Variants in ULK2 observed in about 807,000 individuals in gnomAD.
ULK2 encodes serine/threonine-protein kinase ULK2.
ULK2 carries 76 observed loss-of-function variants against 127.5 expected under a neutral mutation model. That is an observed-to-expected ratio of 0.60 (90% CI 0.50 to 0.72). ULK2 has a LOEUF of 0.72. Among genes scored for constraint, ULK2 ranks in the 30% least tolerant of loss-of-function variants. ULK2 has a pLI of 0.00. For missense variants in ULK2, 1,144 were observed against 1,295.9 expected (o/e 0.88, Z 1.80); for synonymous variants, 452 against 461.9 (o/e 0.98, Z 0.28).
rs2041894836 is a variant in ULK2, at chr17:19,846,803, G to A, written c.403C>T (p.Gln135Ter). ...TTGGCATAGGACAGCAAGATGTTCTGTGGTTTGAGATCTCTGTGGATGATT... is the reference window on the plus strand; with the variant it reads ...TTGGCATAGGACAGCAAGATGTTCTATGGTTTGAGATCTCTGTGGATGATT... ...KGIIHRDLKP[Q>*]NILLSYANRR... Residue 135 changes from glutamine (Q) to a stop codon, truncating the protein, a stop_gained, in exon 6 of 27, where the codon CAG (glutamine) becomes TAG (stop). Coordinates refer to ENST00000395544, the MANE Select transcript of ULK2 (RefSeq NM_014683.4). LOFTEE classifies it high-confidence loss of function. The A allele has an allele frequency of 1.9e-6, 3 of 1,613,780 alleles. No homozygotes were observed. The highest frequency in any genetic ancestry group is 2.5e-6 in the Non-Finnish European group (3 of 1,179,942).
intron 12 of ULK2, among the ~76,000 whole-genome samples, chr17:19,823,802 A>C (rs1480401344): frequency 6.6e-6 from 1 of 152,186 alleles, no homozygotes; most frequent in African/African-American, 2.4e-5. Context: ...ACATAACATA[A>C]GTCTTATTAA....
chr17:19,816,720 C>T (rs2040998220), intron 13 of ULK2, 29 bp downstream of exon 13: 1 of 1,501,186 alleles, frequency 6.7e-7, no homozygotes, highest in Non-Finnish European at 8.8e-7. Context: ...TTAAGAAATA[C>T]AATGTGTACA....
At chr17:19,839,024 C>G (rs1406776422) in intron 9 of ULK2, among the ~76,000 whole-genome samples, 2 of 150,246 alleles carry the variant, frequency 1.3e-5, no homozygotes, top group African/African-American at 4.9e-5. Flanking sequence ...GAGCAAGACT[C>G]CATCTGAAAA....
intron 3 of ULK2, among the ~76,000 whole-genome samples, chr17:19,856,934 A>G (rs1193262524): frequency 1.6e-5 from 2 of 128,936 alleles, no homozygotes; most frequent in Non-Finnish European, 3.1e-5. Flanking sequence ...CCGAGATCGC[A>G]CCACGGCACT....
chr17:19,845,505 ACTGTCCACC>A (rs1354152008), intron 6 of ULK2, 128 bp from the exon 7 acceptor site: 2 of 643,614 alleles, frequency 3.1e-6, no homozygotes, highest in Admixed American at 5.7e-5. Flanking sequence ...ATTGAATTAG[ACTGTCCACC>A]AAAAAAAAAG....
chr17:19,777,393 C>A (rs1032004075), intron 26 of ULK2, among the ~76,000 whole-genome samples, 188 bp downstream of exon 26: 1 of 152,236 alleles, frequency 6.6e-6, no homozygotes, highest in African/African-American at 2.4e-5. Flanking sequence ...GCGTGAGACA[C>A]TGTGCCTGGC....
intron 15 of ULK2, among the ~76,000 whole-genome samples, chr17:19,804,056 C>G (rs1181259663): frequency 6.6e-6 from 1 of 152,050 alleles, no homozygotes; most frequent in East Asian, 1.9e-4. Flanking sequence ...CAGAAATTTA[C>G]TGAACTCTCT....
In ULK2 at chr17:19,843,660, CT is replaced by C. The variant is rs1186486092; in HGVS notation, c.544-439del. On this transcript the variant is annotated intron_variant, in intron 7 of 26. Coordinates refer to ENST00000395544, the MANE Select transcript of ULK2 (RefSeq NM_014683.4). ...TTGGGCTGTCTCCAAAATATTTTTT[CT>C]TTTTTTTTTTTTTTTGAGAATGAGT... 9.1e-3 allele frequency among the ~76,000 whole-genome samples: 1,227 copies of C among 135,242 alleles called. 14 individuals carry two copies. Among genetic ancestry groups the C allele is most frequent in the African/African-American group, 0.027 (1,013 of 37,028 alleles). 88.7% of individuals were successfully genotyped at this position (135,242 alleles called of 152,430 possible). A position where few individuals can be genotyped will look rare whatever the true frequency, so the allele number is the denominator to read the frequency against.
At chr17:19,861,740 G>A (rs2042247452) in intron 3 of ULK2, among the ~76,000 whole-genome samples, 1 of 152,214 alleles carries the variant, frequency 6.6e-6, no homozygotes, top group South Asian at 2.1e-4. Context: ...ACAAACAGCA[G>A]TGAGGAGAAC....
rs775668045 is a variant in ULK2 at position 19,846,719 on chromosome 17, C to T, written c.469+18G>A. 1.3e-6 allele frequency: 2 copies of T among 1,565,032 alleles called. No individual in the cohort carries two copies. Among genetic ancestry groups the T allele is most frequent in the African/African-American group, 1.4e-5 (1 of 72,738 alleles). On this transcript the variant is annotated intron_variant, in intron 6 of 26. Coordinates refer to ENST00000395544, the MANE Select transcript of ULK2 (RefSeq NM_014683.4). ...TTCAAAAAATGTCCTTTCCATGACA[C>T]AATACATGGCCATTTACCTATTTTG...
chr17:19,780,708 G>C (rs1567671632), intron 24 of ULK2, 79 bp from the exon 25 acceptor site: 9 of 1,405,666 alleles, frequency 6.4e-6, no homozygotes, highest in Non-Finnish European at 8.6e-6. Context: ...CTTTCCTGCT[G>C]ATATATAGGG....
chr17:19,861,101 T>C (rs886446269), intron 3 of ULK2: 3 of 152,208 alleles, frequency 2.0e-5, no homozygotes, highest in African/African-American at 7.2e-5. Flanking sequence ...TCTAACAGTA[T>C]ACCATGTACA....
chr17:19,838,974 T>C (rs1178515743), intron 9 of ULK2, among the ~76,000 whole-genome samples: 1 of 148,238 alleles, frequency 6.7e-6, no homozygotes, highest in African/African-American at 2.5e-5. Context: ...GAGCTTGCAG[T>C]GAGCCGAGAT....
At chr17:19,829,671 A>G (rs1343669670) in intron 10 of ULK2, among the ~76,000 whole-genome samples, 1 of 150,334 alleles carries the variant, frequency 6.7e-6, no homozygotes, top group Non-Finnish European at 1.5e-5. Flanking sequence ...TCCTGTCTCT[A>G]CTAAAAATAT....
intron 14 of ULK2, among the ~76,000 whole-genome samples, chr17:19,805,387 A>C (rs933149076): frequency 6.6e-6 from 1 of 152,224 alleles, no homozygotes; most frequent in African/African-American, 2.4e-5. Context: ...CACTTTTCAT[A>C]AATTCAGAAA....
At chr17:19,832,936 A>G (rs2041496112) in intron 10 of ULK2, among the ~76,000 whole-genome samples, 1 of 151,732 alleles carries the variant, frequency 6.6e-6, no homozygotes, top group Non-Finnish European at 1.5e-5. Flanking sequence ...TAGCCTGGCC[A>G]ACGTGGTGAA....
At chr17:19,814,619 C>T (rs1014163130) in intron 13 of ULK2, among the ~76,000 whole-genome samples, 30 of 151,298 alleles carry the variant, frequency 2.0e-4, no homozygotes, top group African/African-American at 6.8e-4. Flanking sequence ...GCCATGATGC[C>T]CTGGCTGGTC....
At chr17:19,816,681 G>A (rs1398175476) in intron 13 of ULK2, 68 bp downstream of exon 13, 1 of 1,396,388 alleles carries the variant, frequency 7.2e-7, no homozygotes, top group Non-Finnish European at 9.4e-7. Context: ...GTAATATATG[G>A]GTTAAAAAAA....
At chr17:19,809,729 T>A (rs1423693543) in intron 14 of ULK2, among the ~76,000 whole-genome samples, 1 of 47,298 alleles carries the variant, frequency 2.1e-5, no homozygotes, top group South Asian at 6.5e-4. Context: ...CGAGACTCCG[T>A]CTCAAAAAAA....
Sources: allele counts gnomAD v4.1 joint callset (sites outside exome capture counted in the v4.1 genomes callset), GRCh38; gene constraint gnomAD v4.1.1; transcripts MANE v1.5; gene names NCBI Gene and HGNC (gene_info 2026-07-23, HGNC 2026-07-21).